The following CLDN14 variants were observed in gnomAD, a reference collection of about 807,000 sequenced individuals.
CLDN14 encodes claudin-14.
A neutral mutation model predicts 2.1 loss-of-function variants in CLDN14; 2 were observed. The observed-to-expected ratio is 0.96, with a 90% confidence interval of 0.39 to 3.01. CLDN14 has a LOEUF of 3.01. Among genes scored for constraint, CLDN14 ranks in the 30% most tolerant of loss-of-function variants. The pLI is 0.09. For synonymous variants in CLDN14, 136 were observed against 154.4 expected, an observed-to-expected ratio of 0.88 and a Z score of 0.88; for missense variants, 298 against 328.0, an observed-to-expected ratio of 0.91 and a Z score of 0.71.
At chr21:36,482,492 C>T (rs1437040691), upstream of CLDN14, among the ~76,000 whole-genome samples, 1 of 151,962 alleles carries the variant, frequency 6.6e-6, no homozygotes, top group Non-Finnish European at 1.5e-5. Flanking sequence ...CTGATCTCAA[C>T]TGGTCTTTGA....
At chr21:36,540,296 T>C (rs142622716) in intron 1 of CLDN14, among the ~76,000 whole-genome samples, 83 of 152,300 alleles carry the variant, frequency 5.4e-4, no homozygotes, top group African/African-American at 1.6e-3. Context: ...CTAGATGACG[T>C]ATAATACCCA....
chr21:36,559,172 GTTTTATTTTATTTTATTTTA>G (rs143202991), intron 1 of CLDN14, among the ~76,000 whole-genome samples: 4 of 148,750 alleles, frequency 2.7e-5, no homozygotes, highest in East Asian at 2.0e-4. Flanking sequence ...TTTGTTGAGA[GTTTTATTTTATTTTATTTTA>G]TTTTATTTTA....
chr21:36,531,261 GAAAT>G lies in CLDN14; in HGVS notation c.-219-20765_-219-20762del, dbSNP rs1480668801. On this transcript the variant is annotated intron_variant, in intron 1 of 2. Coordinates refer to the CLDN14 transcript ENST00000342108. ...TTAATAATGTTATAGAAATTTTAGG[GAAAT>G]AAATATATATATATTTGCTATAAAT... Among the ~76,000 whole-genome samples, 8 of 151,276 alleles carry G rather than the reference GAAAT, an allele frequency of 5.3e-5. No homozygotes were observed. The South Asian group carries it at 8.4e-4, about 16-fold the overall frequency.
intron 1 of CLDN14, among the ~76,000 whole-genome samples, chr21:36,474,508 A>G (rs2086749741): frequency 6.6e-6 from 1 of 152,228 alleles, no homozygotes; most frequent in Non-Finnish European, 1.5e-5. Flanking sequence ...CTTCCTTTAT[A>G]ATCCTGCATG....
At chr21:36,525,390 G>GA (rs34572529) in intron 1 of CLDN14, among the ~76,000 whole-genome samples, 107,426 of 146,874 alleles carry the variant, frequency 0.73, 40,401 homozygotes, top group Non-Finnish European at 0.84. Context: ...AAAGCTAAAT[G>GA]AAAAAAAAAA....
At chr21:36,556,372 G>A (rs1452354948) in intron 1 of CLDN14, among the ~76,000 whole-genome samples, 1 of 152,160 alleles carries the variant, frequency 6.6e-6, no homozygotes, top group Non-Finnish European at 1.5e-5. Flanking sequence ...GCCCATGGTG[G>A]CCCTGGACCT....
chr21:36,461,340 A>T lies in CLDN14; in HGVS notation c.356T>A (p.Ile119Asn). 6.2e-7 allele frequency: 1 copy of T among 1,613,544 alleles called. No individual in the cohort carries two copies. The highest frequency in any genetic ancestry group is 2.2e-5 in the East Asian group (1 of 44,866). ...CAGGATGAAGAGGGTGCCGCCGAGG[A>T]TGGCAAAGGTGGTCTTGGCGGGTGT... Reference protein sequence around the residue: ...KGTPAKTTFAILGGTLFILAG... With the variant: ...KGTPAKTTFANLGGTLFILAG... The change falls in exon 2 of 2, where the codon ATC becomes AAC. Residue 119 changes from isoleucine to asparagine, a missense_variant. Physicochemically the swap from Ile to Asn is moderately radical, Grantham distance 149. Transcript: ENST00000399135.
chr21:36,484,791 G>A (rs1408518338), upstream of CLDN14, among the ~76,000 whole-genome samples: 4 of 151,986 alleles, frequency 2.6e-5, no homozygotes, highest in South Asian at 2.1e-4. Context: ...TTGGCTCACC[G>A]CAACCTCCGC....
chr21:36,467,277 C>T (rs1213675544), intron 1 of CLDN14, among the ~76,000 whole-genome samples: 1 of 152,142 alleles, frequency 6.6e-6, no homozygotes, highest in African/African-American at 2.4e-5. Flanking sequence ...CCACCTGGAC[C>T]CCAGCTGCGT....
intron 2 of CLDN14, chr21:36,486,019 A>G: frequency 2.7e-6 from 4 of 1,466,794 alleles, no homozygotes; most frequent in Non-Finnish European, 3.8e-6. Flanking sequence ...CCTTCTTGCC[A>G]TCCTTGGTGG....
intron 2 of CLDN14, among the ~76,000 whole-genome samples, chr21:36,502,122 A>C (rs1486671642): frequency 6.6e-6 from 1 of 152,194 alleles, no homozygotes; most frequent in Non-Finnish European, 1.5e-5. Flanking sequence ...GGGAACCATC[A>C]TGAGGAGTAG....
intron 1 of CLDN14, among the ~76,000 whole-genome samples, chr21:36,470,277 TTAAGA>T (rs1334302765): frequency 6.6e-5 from 10 of 152,176 alleles, no homozygotes; most frequent in Non-Finnish European, 1.5e-4. Flanking sequence ...ATGTAATTAG[TTAAGA>T]TAAGGTCATA....
At chr21:36,560,650 T>G (rs1363124398) in intron 1 of CLDN14, among the ~76,000 whole-genome samples, 1 of 152,246 alleles carries the variant, frequency 6.6e-6, no homozygotes, top group Admixed American at 6.5e-5. Flanking sequence ...TGGTGTATGA[T>G]CCTTTTTAAT....
intron 1 of CLDN14, among the ~76,000 whole-genome samples, chr21:36,518,081 C>T (rs1325990039): frequency 7.9e-5 from 2 of 25,212 alleles, no homozygotes; most frequent in Non-Finnish European, 2.0e-3. Flanking sequence ...TACGTACACA[C>T]ACACACACAC....
rs1029135824 is a variant in CLDN14 at position 36,556,369 on chromosome 21, G to A, written c.-220+20042C>T. Among the ~76,000 whole-genome samples, 3 of 152,156 alleles carry A rather than the reference G, an allele frequency of 2.0e-5. No individual in the cohort carries two copies. In the East Asian group the frequency reaches 5.8e-4, roughly 29 times the overall value. Reference sequence around the variant, plus strand: ...AGAATCAGGTGGAGTGCTGCCCATGGTGGCCCTGGACCTTTTTGTGCTTGG... The same window carrying A: ...AGAATCAGGTGGAGTGCTGCCCATGATGGCCCTGGACCTTTTTGTGCTTGG... On this transcript the variant is annotated intron_variant, in intron 1 of 2. Transcript: ENST00000342108.
chr21:36,528,502 C>T lies in CLDN14; in HGVS notation c.-219-18002G>A, dbSNP rs75056814. ...ATTTTTTCCCTTCTCAGAGAGAAGT[C>T]AGCCCTGTTATTTCCCAGTTTCTGC... On this transcript the variant is annotated intron_variant, in intron 1 of 2. Transcript: ENST00000342108. Among the ~76,000 whole-genome samples the T allele has an allele frequency of 5.1e-3, 779 of 152,300 alleles. 3 individuals are homozygous for T. The highest frequency in any genetic ancestry group is 7.6e-3 in the Non-Finnish European group (520 of 68,016).
At chr21:36,572,485 G>C (rs1295265741) in intron 1 of CLDN14, among the ~76,000 whole-genome samples, 1 of 152,158 alleles carries the variant, frequency 6.6e-6, no homozygotes, top group African/African-American at 2.4e-5. Context: ...AGGAAAACTT[G>C]GTCTTTGTAG....
intron 2 of CLDN14, among the ~76,000 whole-genome samples, chr21:36,488,266 C>CTTCT (rs2086920408): frequency 6.8e-6 from 1 of 147,298 alleles, no homozygotes; most frequent in Non-Finnish European, 1.5e-5. Flanking sequence ...TCCTTCCTTC[C>CTTCT]TTCCTTCCCT....
rs147706788 is a variant in CLDN14 at position 36,493,766 on chromosome 21, G to C, written c.-82+16597C>G. Among the ~76,000 whole-genome samples, 101 of 152,262 alleles carry C rather than the reference G, an allele frequency of 6.6e-4. 1 individual carries two copies. The East Asian group carries it at 0.017, about 26-fold the overall frequency. On this transcript the variant is annotated intron_variant, in intron 2 of 2. Transcript: ENST00000342108. ...GAGGAGGCCCCATTTCAGAATGGGA[G>C]TGTGGGTGGGTACTGAAGGAACACA... is the stretch of plus-strand genomic sequence containing the variant.
Sources: gnomAD v4.1 joint callset for allele counts (sites outside exome capture counted in the v4.1 genomes callset) on GRCh38, gnomAD v4.1.1 for gene constraint, MANE v1.5 for transcripts, NCBI Gene and HGNC (gene_info 2026-07-23, HGNC 2026-07-21) for gene names.